Variants in XKR4 observed in about 807,000 individuals in gnomAD.
The protein encoded by XKR4 is XK related 4.
XKR4 carries 12 observed loss-of-function variants against 53.9 expected under a neutral mutation model. That is an observed-to-expected ratio of 0.22 (90% CI 0.14 to 0.36). The LOEUF (loss-of-function observed/expected upper bound fraction) is 0.36. Ranked by LOEUF, XKR4 falls within the 10% of genes least tolerant of loss-of-function variation. The pLI, the probability that XKR4 is intolerant of heterozygous loss-of-function variation, is 1.00. For missense variants in XKR4, 799 were observed against 859.5 expected, an observed-to-expected ratio of 0.93 and a Z score of 0.88; for synonymous variants, 354 against 362.4, an observed-to-expected ratio of 0.98 and a Z score of 0.26.
At chr8:55,451,511 G>T in intron 2 of XKR4, 1 of 1,052,022 alleles carries the variant, frequency 9.5e-7, no homozygotes, top group South Asian at 1.4e-5. Flanking sequence ...GGTGCGTTCT[G>T]GGCCTTAAAG....
chr8:55,252,642 A>T (rs1192415414), intron 1 of XKR4, among the ~76,000 whole-genome samples: 1 of 152,226 alleles, frequency 6.6e-6, no homozygotes, highest in East Asian at 1.9e-4. Context: ...GCTTTGACAG[A>T]ACTGGGCCAT....
intron 1 of XKR4, among the ~76,000 whole-genome samples, chr8:55,342,444 T>A (rs890748317): frequency 6.6e-6 from 1 of 151,942 alleles, no homozygotes; most frequent in Non-Finnish European, 1.5e-5. Context: ...CTCACTGTGC[T>A]CCTCCCCTTT....
intron 2 of XKR4, among the ~76,000 whole-genome samples, chr8:55,411,989 A>G (rs950808897): frequency 2.0e-5 from 3 of 152,250 alleles, no homozygotes; most frequent in Non-Finnish European, 4.4e-5. Flanking sequence ...TATGGAAACT[A>G]TTCAAGGAAA....
At chr8:55,250,410 T>G (rs1818348100) in intron 1 of XKR4, among the ~76,000 whole-genome samples, 1 of 152,194 alleles carries the variant, frequency 6.6e-6, no homozygotes, top group Admixed American at 6.5e-5. Flanking sequence ...TTTGATTTAT[T>G]TACTTATTTT....
chr8:55,389,642 T>C (rs1015680253), intron 2 of XKR4, among the ~76,000 whole-genome samples: 11 of 152,206 alleles, frequency 7.2e-5, no homozygotes, highest in Non-Finnish European at 1.6e-4. Flanking sequence ...TAGATTGTTA[T>C]CTCCTGTAGC....
At chr8:55,348,341 T>A (rs1803678388) in intron 1 of XKR4, among the ~76,000 whole-genome samples, 1 of 152,170 alleles carries the variant, frequency 6.6e-6, no homozygotes, top group Admixed American at 6.6e-5. Context: ...TCCTCCCATC[T>A]AATCCCCACA....
intron 1 of XKR4, among the ~76,000 whole-genome samples, chr8:55,153,579 T>G (rs1280572580): frequency 6.6e-6 from 1 of 152,242 alleles, no homozygotes; most frequent in Admixed American, 6.5e-5. Flanking sequence ...ATCACATGTT[T>G]CTTCATACTT....
intron 1 of XKR4, among the ~76,000 whole-genome samples, chr8:55,349,210 C>T (rs1803692538): frequency 6.6e-6 from 1 of 152,112 alleles, no homozygotes. Context: ...AGTAATTCCC[C>T]AGAGTTCTGG....
chr8:55,150,840 A>G (rs1816831568), intron 1 of XKR4, among the ~76,000 whole-genome samples: 1 of 152,192 alleles, frequency 6.6e-6, no homozygotes, highest in Admixed American at 6.5e-5. Context: ...GTAAGTGCCA[A>G]AAGTCATTGG....
chr8:55,528,941 G>T lies in XKR4; in HGVS notation c.*4714G>T, dbSNP rs965578107. 1.3e-5 allele frequency: 2 copies of T among 150,824 alleles called. No individual in the cohort carries two copies. Among genetic ancestry groups the T allele is most frequent in the Admixed American group, 1.3e-4 (2 of 15,076 alleles). 9.3% of individuals were successfully genotyped at this position (150,824 alleles called of 1,614,324 possible). A position where few individuals can be genotyped will look rare whatever the true frequency, so the allele number is the denominator to read the frequency against. On this transcript the variant is annotated 3_prime_UTR_variant, in exon 3 of 3. Coordinates refer to ENST00000327381, the MANE Select transcript of XKR4 (RefSeq NM_052898.2). The stretch of plus-strand genomic sequence containing the variant: ...GTGAAATGCCCTGAGCATTCGAGTG[G>T]CATCCCTTCTCCTCACATAGGCACC...
At chr8:55,389,100 T>C (rs139968132) in intron 2 of XKR4, among the ~76,000 whole-genome samples, 1 of 152,200 alleles carries the variant, frequency 6.6e-6, no homozygotes, top group Non-Finnish European at 1.5e-5. Context: ...GAGAGACACG[T>C]GAAGACTGTT....
chr8:55,253,731 CTTTTTT>C (rs67608017), intron 1 of XKR4, among the ~76,000 whole-genome samples: 2 of 113,704 alleles, frequency 1.8e-5, no homozygotes, highest in African/African-American at 6.4e-5. Flanking sequence ...ATTTTCTTTT[CTTTTTT>C]TTTTTTTTTT....
intron 2 of XKR4, among the ~76,000 whole-genome samples, chr8:55,500,262 C>T (rs547530691): frequency 6.6e-6 from 1 of 151,642 alleles, no homozygotes; most frequent in African/African-American, 2.4e-5. Context: ...CCTTGAATTC[C>T]CCTTGTTTTC....
chr8:55,111,667 T>G (rs1281959327), intron 1 of XKR4, among the ~76,000 whole-genome samples: 2 of 152,230 alleles, frequency 1.3e-5, no homozygotes, highest in South Asian at 4.1e-4. Context: ...TCCGTGTCAC[T>G]GATTCTAAGA....
intron 1 of XKR4, among the ~76,000 whole-genome samples, chr8:55,283,114 T>C (rs1443243228): frequency 6.6e-6 from 1 of 152,222 alleles, no homozygotes; most frequent in Non-Finnish European, 1.5e-5. Flanking sequence ...TAGGCTCTAC[T>C]ATCTAGTTTT....
In XKR4 at chr8:55,342,418, C is replaced by T. The variant is rs561012469; in HGVS notation, c.807-15260C>T. On this transcript the variant is annotated intron_variant, in intron 1 of 2. Transcript: ENST00000327381. ...ATTCTCAGCACAGCTGCTGGAAGTC[C>T]TCATGAGATGTTGGCCTCACTGTGC... 3.9e-5 allele frequency among the ~76,000 whole-genome samples: 6 copies of T among 152,276 alleles called. No individual in the cohort carries two copies. The South Asian group carries it at 1.2e-3, about 32-fold the overall frequency.
At chr8:55,309,895 T>G (rs1388764051) in intron 1 of XKR4, among the ~76,000 whole-genome samples, 1 of 152,204 alleles carries the variant, frequency 6.6e-6, no homozygotes, top group Non-Finnish European at 1.5e-5. Context: ...TTGCCATCAT[T>G]TGCTGCTAAT....
At position 55,514,167 on chromosome 8, in the gene XKR4, A is replaced by G. The variant is rs571361257; in HGVS notation, c.1007-9114A>G. Among the ~76,000 whole-genome samples the G allele has an allele frequency of 2.0e-4, 31 of 152,172 alleles. No individual in the cohort carries two copies. In the South Asian group the frequency reaches 3.7e-3, roughly 18 times the overall value. ...CATCTGTAAAATGGACAAAAAATTTACATTGAAGAAGTAGTGCTGTGAGAA... is the reference window on the plus strand; with the variant it reads ...CATCTGTAAAATGGACAAAAAATTTGCATTGAAGAAGTAGTGCTGTGAGAA... On this transcript the variant is annotated intron_variant, in intron 2 of 2. Coordinates refer to ENST00000327381, the MANE Select transcript of XKR4 (RefSeq NM_052898.2).
At chr8:55,334,290 T>C (rs1803422858) in intron 1 of XKR4, among the ~76,000 whole-genome samples, 1 of 152,132 alleles carries the variant, frequency 6.6e-6, no homozygotes. Flanking sequence ...CAAATACATT[T>C]ATGGAAGTCC....
Sources: gnomAD v4.1 joint callset for allele counts (sites outside exome capture counted in the v4.1 genomes callset) on GRCh38, gnomAD v4.1.1 for gene constraint, MANE v1.5 for transcripts, NCBI Gene and HGNC (gene_info 2026-07-23, HGNC 2026-07-21) for gene names.